SDK1: variants seen among roughly 807,000 people sequenced by gnomAD.
The protein encoded by SDK1 is protein sidekick-1.
SDK1 carries 157 observed loss-of-function variants against 245.5 expected under a neutral mutation model. The ratio of observed to expected loss-of-function variants is 0.64; its 90% CI spans 0.56 to 0.73. The LOEUF (loss-of-function observed/expected upper bound fraction) is 0.73, where lower values mean the gene tolerates loss of function less well. SDK1 is among the 30% of genes least tolerant of loss of function. SDK1 has a pLI of 0.00. For synonymous variants in SDK1, 1,647 were observed against 1,278.5 expected, an observed-to-expected ratio of 1.29 and a Z score of -6.15; for missense variants, 3,583 against 3,002.3, an observed-to-expected ratio of 1.19 and a Z score of -4.52.
chr7:3,841,176 C>G lies in SDK1; in HGVS notation c.847+19593C>G, dbSNP rs762411350. On this transcript the variant is annotated intron_variant, in intron 5 of 44. Coordinates refer to ENST00000404826, the MANE Select transcript of SDK1 (RefSeq NM_152744.4). ...TTCCTCGTACCACATGCATGTACAGCCCTTGGGCACTGCACCTACCCATGT... is the reference window on the plus strand; with the variant it reads ...TTCCTCGTACCACATGCATGTACAGGCCTTGGGCACTGCACCTACCCATGT... Among the ~76,000 whole-genome samples, 16 of 152,300 alleles carry G rather than the reference C, an allele frequency of 1.1e-4. 1 individual carries two copies. Among genetic ancestry groups the G allele is most frequent in the South Asian group, 1.0e-3 (5 of 4,820 alleles).
At chr7:3,895,779 GTCT>G (rs1478650183) in intron 5 of SDK1, among the ~76,000 whole-genome samples, 2 of 152,110 alleles carry the variant, frequency 1.3e-5, no homozygotes, top group Non-Finnish European at 2.9e-5. Context: ...TTTATGTTGG[GTCT>G]TCATTTTCTT....
chr7:3,303,082 A>G (rs1779323112), intron 1 of SDK1, among the ~76,000 whole-genome samples: 1 of 152,164 alleles, frequency 6.6e-6, no homozygotes, highest in Non-Finnish European at 1.5e-5. Context: ...CAGCTTTCAT[A>G]AATGCTCCCT....
At chr7:3,803,830 T>C (rs941654769) in intron 4 of SDK1, among the ~76,000 whole-genome samples, 4 of 149,750 alleles carry the variant, frequency 2.7e-5, no homozygotes, top group Non-Finnish European at 4.4e-5. Context: ...AGTGGCATGA[T>C]CTCAGCTCAC....
intron 1 of SDK1, among the ~76,000 whole-genome samples, chr7:3,347,514 A>T (rs1200618241): frequency 6.6e-6 from 1 of 152,156 alleles, no homozygotes; most frequent in Non-Finnish European, 1.5e-5. Flanking sequence ...ATTGGGCTCA[A>T]ATGTGCCGTT....
chr7:3,881,581 C>A (rs961712450), intron 5 of SDK1, among the ~76,000 whole-genome samples: 1 of 152,138 alleles, frequency 6.6e-6, no homozygotes, highest in Non-Finnish European at 1.5e-5. Flanking sequence ...TGCGTGCATA[C>A]ATCTTTATAA....
intron 30 of SDK1, among the ~76,000 whole-genome samples, chr7:4,152,910 G>A (rs187349863): frequency 5.3e-5 from 8 of 152,366 alleles, no homozygotes; most frequent in African/African-American, 1.9e-4. Context: ...GTGTTCAGGT[G>A]TTGCCAGTGT....
intron 1 of SDK1, among the ~76,000 whole-genome samples, chr7:3,507,727 G>A (rs776239801): frequency 2.0e-4 from 30 of 152,062 alleles, no homozygotes; most frequent in Non-Finnish European, 3.7e-4. Context: ...CCTTTCTCCT[G>A]CATGGTCAAA....
chr7:3,894,091 T>C (rs1483347489), intron 5 of SDK1, among the ~76,000 whole-genome samples: 2 of 152,194 alleles, frequency 1.3e-5, no homozygotes, highest in Non-Finnish European at 2.9e-5. Flanking sequence ...AAGGAGTGTT[T>C]TAAGTACTTC....
At chr7:4,215,447 G>C (rs929347230) in intron 38 of SDK1, among the ~76,000 whole-genome samples, 1 of 152,256 alleles carries the variant, frequency 6.6e-6, no homozygotes, top group Non-Finnish European at 1.5e-5. Context: ...ATTTGCACGT[G>C]GGAGGCACCC....
intron 1 of SDK1, among the ~76,000 whole-genome samples, chr7:3,418,360 C>T (rs1562475193): frequency 6.6e-6 from 1 of 152,042 alleles, no homozygotes; most frequent in Non-Finnish European, 1.5e-5. Flanking sequence ...ACTCTTTTCT[C>T]AATGGGTAGT....
intron 1 of SDK1, among the ~76,000 whole-genome samples, chr7:3,369,984 A>G (rs2128563075): frequency 6.6e-6 from 1 of 152,360 alleles, no homozygotes; most frequent in East Asian, 1.9e-4. Flanking sequence ...CTAACTAGCA[A>G]AGGAAAAGGA....
At chr7:3,636,803 C>G (rs895431459) in intron 2 of SDK1, among the ~76,000 whole-genome samples, 1 of 152,162 alleles carries the variant, frequency 6.6e-6, no homozygotes, top group Non-Finnish European at 1.5e-5. Flanking sequence ...AACTTACATT[C>G]CCATGTACAG....
chr7:3,624,399 G>T (rs766387763), intron 2 of SDK1, among the ~76,000 whole-genome samples: 30 of 152,038 alleles, frequency 2.0e-4, no homozygotes, highest in Non-Finnish European at 2.2e-4. Context: ...GGGTTGCACT[G>T]TGTTGCCTAG....
chr7:3,597,130 G>A (rs774794267), intron 1 of SDK1, among the ~76,000 whole-genome samples: 1 of 151,988 alleles, frequency 6.6e-6, no homozygotes, highest in Non-Finnish European at 1.5e-5. Flanking sequence ...AAATTAGCCG[G>A]ATGTGGTGGC....
chr7:3,500,772 G>C (rs1203571833), intron 1 of SDK1, among the ~76,000 whole-genome samples: 1 of 151,392 alleles, frequency 6.6e-6, no homozygotes. Flanking sequence ...TAAGACTCCT[G>C]TTTGGAAGTT....
At chr7:3,542,577 T>C (rs1779084882) in intron 1 of SDK1, among the ~76,000 whole-genome samples, 1 of 152,218 alleles carries the variant, frequency 6.6e-6, no homozygotes, top group Non-Finnish European at 1.5e-5. Flanking sequence ...GCAATATTGC[T>C]TGATTAAAAT....
intron 14 of SDK1, among the ~76,000 whole-genome samples, chr7:3,995,043 G>A (rs533292801): frequency 6.6e-6 from 1 of 152,312 alleles, no homozygotes; most frequent in Non-Finnish European, 1.5e-5. Context: ...CTTCCGTATA[G>A]AGGTTCTCGT....
At chr7:3,309,867 T>A (rs1409706147) in intron 1 of SDK1, among the ~76,000 whole-genome samples, 1 of 152,218 alleles carries the variant, frequency 6.6e-6, no homozygotes, top group Non-Finnish European at 1.5e-5. Context: ...TTTCTAAGCG[T>A]GCTGTCTTGG....
intron 5 of SDK1, among the ~76,000 whole-genome samples, chr7:3,938,047 C>G (rs775552706): frequency 6.6e-6 from 1 of 152,096 alleles, no homozygotes; most frequent in Non-Finnish European, 1.5e-5. Context: ...ATGTTGCCCA[C>G]ACTGGTCTTG....
Sources: gnomAD v4.1 joint callset for allele counts (sites outside exome capture counted in the v4.1 genomes callset) on GRCh38, gnomAD v4.1.1 for gene constraint, MANE v1.5 for transcripts, NCBI Gene and HGNC (gene_info 2026-07-23, HGNC 2026-07-21) for gene names.